CACNA2D4: variants seen among roughly 807,000 people sequenced by gnomAD.
The protein encoded by CACNA2D4 is voltage-dependent calcium channel subunit alpha-2/delta-4.
CACNA2D4 carries 157 observed loss-of-function variants against 163.8 expected under a neutral mutation model. The ratio of observed to expected loss-of-function variants is 0.96; its 90% CI spans 0.84 to 1.09. The LOEUF is 1.09. Among genes scored for constraint, CACNA2D4 ranks in the 50% least tolerant of loss-of-function variants. The probability of loss-of-function intolerance (pLI) is 0.00; values close to 1 mark genes in which losing one functional copy is unlikely to be tolerated. For synonymous variants in CACNA2D4, 598 were observed against 586.9 expected, an observed-to-expected ratio of 1.02 and a Z score of -0.27; for missense variants, 1,410 against 1,479.9, an observed-to-expected ratio of 0.95 and a Z score of 0.78.
In CACNA2D4 at chr12:1,869,887, A is replaced by G. The variant is rs1050017369; in HGVS notation, c.1878+4717T>C. Among the ~76,000 whole-genome samples, 7 of 152,262 alleles carry G rather than the reference A, an allele frequency of 4.6e-5. No homozygotes were observed. Among genetic ancestry groups the G allele is most frequent in the Non-Finnish European group, 2.9e-5 (2 of 68,048 alleles). On this transcript the variant is annotated intron_variant, in intron 18 of 37. Transcript: ENST00000382722. The surrounding 1 kb of genome is among the most constrained non-coding windows in gnomAD (Gnocchi z 4.7). ...TCATTCTAATTCTAACAGCTGGGTC[A>G]TAACACTTTTTATTATATACTGGAT...
intron 26 of CACNA2D4, among the ~76,000 whole-genome samples, chr12:1,824,825 G>C (rs1592679760): frequency 6.6e-6 from 1 of 152,120 alleles, no homozygotes. Context: ...GGGAGTGCTG[G>C]CTGCAGCCCC....
At chr12:1,846,415 G>A (rs547150038) in intron 24 of CACNA2D4, among the ~76,000 whole-genome samples, 179 bp downstream of exon 24, 54 of 151,406 alleles carry the variant, frequency 3.6e-4, no homozygotes, top group African/African-American at 1.3e-3. Flanking sequence ...TCGGGGAAGG[G>A]CTGCCTTTCC....
intron 18 of CACNA2D4, among the ~76,000 whole-genome samples, chr12:1,867,267 AG>A (rs1333104972): frequency 6.6e-6 from 1 of 152,118 alleles, no homozygotes; most frequent in Non-Finnish European, 1.5e-5. Flanking sequence ...TTTGACAATT[AG>A]TTTTTCAAAT....
chr12:1,855,931 G>C, intron 22 of CACNA2D4, 81 bp downstream of exon 22: 1 of 1,050,486 alleles, frequency 9.5e-7, no homozygotes, highest in South Asian at 1.3e-5. Flanking sequence ...GCCTCCCCCT[G>C]CCTTCCCACC....
chr12:1,902,379 G>T (rs1319151558), intron 6 of CACNA2D4, among the ~76,000 whole-genome samples: 3 of 151,588 alleles, frequency 2.0e-5, no homozygotes, highest in African/African-American at 7.3e-5. Flanking sequence ...AATCAGACAG[G>T]AGAAAAAAAT....
intron 9 of CACNA2D4, among the ~76,000 whole-genome samples, chr12:1,885,464 C>T (rs988317200): frequency 4.6e-5 from 7 of 152,108 alleles, no homozygotes; most frequent in Middle Eastern, 3.2e-3. Context: ...GGCAGAGGCC[C>T]GGCTTCAAGA....
intron 6 of CACNA2D4, among the ~76,000 whole-genome samples, chr12:1,896,248 A>C (rs1220296188): frequency 6.6e-6 from 1 of 152,200 alleles, no homozygotes; most frequent in East Asian, 1.9e-4. Flanking sequence ...GACTCTATTA[A>C]GCTAAAAAGC....
intron 26 of CACNA2D4, among the ~76,000 whole-genome samples, chr12:1,837,248 G>T (rs940212562): frequency 6.6e-6 from 1 of 152,218 alleles, no homozygotes; most frequent in African/African-American, 2.4e-5. Context: ...GAGGGCAGTT[G>T]GAGGGGCCTC....
At position 1,844,955 on chromosome 12, in the gene CACNA2D4, A is replaced by G. The variant is rs1322213923; in HGVS notation, c.2343-426T>C. ...CAGGATTGCCTCTAGGTTTTTGCATACATTATGAGTTTCCTTTTTTTGAGC... is the reference window on the plus strand; with the variant it reads ...CAGGATTGCCTCTAGGTTTTTGCATGCATTATGAGTTTCCTTTTTTTGAGC... On this transcript the variant is annotated intron_variant, in intron 24 of 37. Coordinates refer to ENST00000382722, the MANE Select transcript of CACNA2D4 (RefSeq NM_172364.5). This position sits in a 1 kb window ranked among gnomAD's most constrained non-coding sequence, Gnocchi z 4.2. Among the ~76,000 whole-genome samples, 3 of 152,014 alleles carry G rather than the reference A, an allele frequency of 2.0e-5. No individual in the cohort carries two copies. Among genetic ancestry groups the G allele is most frequent in the African/African-American group, 7.3e-5 (3 of 41,374 alleles).
rs866734965 is a variant in CACNA2D4, at chr12:1,879,878, G to A, written c.1489C>T (p.Leu497Phe). The change falls in exon 14 of 38, where the codon CTC (leucine) becomes TTC (phenylalanine). Residue 497 changes from leucine (L) to phenylalanine (F), a missense_variant. Transcript: ENST00000382722. ...GTCAGGCTCTGAGCCTGCGAGCTGA[G>A]GAGCTGTAAGGGAGGGGAGAACAGG... ...WTEAYMDSKL[L>F]SSQAQSLTLL... 1 of 1,593,780 alleles carries A rather than the reference G, an allele frequency of 6.3e-7. No homozygotes were observed. The highest frequency in any genetic ancestry group is 8.5e-7 in the Non-Finnish European group (1 of 1,170,140).
chr12:1,805,155 T>C (rs3741973), intron 29 of CACNA2D4, among the ~76,000 whole-genome samples: 90,182 of 151,946 alleles, frequency 0.59, 27,625 homozygotes, highest in Non-Finnish European at 0.69. Flanking sequence ...GCCTGAACTC[T>C]GGGGCTGGGT....
intron 26 of CACNA2D4, among the ~76,000 whole-genome samples, chr12:1,831,788 C>T (rs192244391): frequency 6.6e-6 from 1 of 150,488 alleles, no homozygotes; most frequent in Admixed American, 6.6e-5. Flanking sequence ...CCTCCCCCAG[C>T]CAGCTCCCCA....
intron 6 of CACNA2D4, among the ~76,000 whole-genome samples, chr12:1,904,298 A>G (rs1866605278): frequency 6.6e-6 from 1 of 152,032 alleles, no homozygotes; most frequent in Non-Finnish European, 1.5e-5. Flanking sequence ...AAGATCTAGT[A>G]TTTGATAGCA....
Position 1,843,281 on chromosome 12 carries a change from G to A in CACNA2D4, c.2470+1121C>T, listed in dbSNP as rs902546307. ...CTGTCCTGGTCCCAGGAGGATCCCC[G>A]GGATCCTGGGCCTCCCCAGCCATCA... On this transcript the variant is annotated intron_variant, in intron 25 of 37. Coordinates refer to ENST00000382722, the MANE Select transcript of CACNA2D4 (RefSeq NM_172364.5). This position sits in a 1 kb window ranked among gnomAD's most constrained non-coding sequence, Gnocchi z 4.6. 5.3e-5 allele frequency among the ~76,000 whole-genome samples: 8 copies of A among 152,142 alleles called. No homozygotes were observed. Among genetic ancestry groups the A allele is most frequent in the Admixed American group, 1.3e-4 (2 of 15,300 alleles).
chr12:1,918,405 G>C lies in CACNA2D4; in HGVS notation c.69C>G (p.Asn23Lys), dbSNP rs758939053. 1 of 1,598,566 alleles carries C rather than the reference G, an allele frequency of 6.3e-7. No homozygotes were observed. The highest frequency in any genetic ancestry group is 8.5e-7 in the Non-Finnish European group (1 of 1,172,990). ...TGCTGGAGCTGGGGTTTGCGAGGAAGTTGGGAGTTGCAGGCATGGTGGGCC... is the reference window on the plus strand; with the variant it reads ...TGCTGGAGCTGGGGTTTGCGAGGAACTTGGGAGTTGCAGGCATGGTGGGCC... ...NPRPTMPATPNFLANPSSSSR... is the reference protein window; with the variant it reads ...NPRPTMPATPKFLANPSSSSR... The change falls in exon 1 of 38, where the codon AAC becomes AAG. Residue 23 changes from asparagine to lysine, a missense_variant. Physicochemically the swap from Asn to Lys is moderately conservative, Grantham distance 94. Transcript: ENST00000382722.
rs767272322 is a variant in CACNA2D4, at chr12:1,884,779, G to A, written c.1261C>T (p.Pro421Ser). ...CGTGGGAGGGTCACCTTACAGTCTGGCCAGTTATACTTCTCAAACACCGGC... is the reference window on the plus strand; with the variant it reads ...CGTGGGAGGGTCACCTTACAGTCTGACCAGTTATACTTCTCAAACACCGGC... The part of the protein sequence containing the change: ...YEPVFEKYNW[P>S]DCKVRVFTYL... Residue 421 changes from proline (P) to serine (S), a missense_variant, in exon 11 of 38, where the codon CCA becomes TCA. Coordinates refer to ENST00000382722, the MANE Select transcript of CACNA2D4 (RefSeq NM_172364.5). 1.9e-6 allele frequency: 3 copies of A among 1,611,912 alleles called. No homozygotes were observed. The highest frequency in any genetic ancestry group is 8.5e-7 in the Non-Finnish European group (1 of 1,178,302).
chr12:1,894,243 T>C (rs1369552900), intron 6 of CACNA2D4, among the ~76,000 whole-genome samples: 5 of 152,000 alleles, frequency 3.3e-5, no homozygotes, highest in African/African-American at 7.2e-5. Flanking sequence ...GAACCAGTAA[T>C]AAAAAGCCTC....
chr12:1,918,155 G>C, intron 1 of CACNA2D4, 92 bp downstream of exon 1: 4 of 891,986 alleles, frequency 4.5e-6, no homozygotes, highest in Non-Finnish European at 5.3e-6. Context: ...GGGCAGGGGC[G>C]GGAGGAGTGG....
chr12:1,886,012 GCTC>G lies in CACNA2D4; in HGVS notation c.1018_1020del (p.Glu340del). ...TGGACGAGGATCCCTTTAAAACAAGGCTCGATGTAATGGACGTAGTCATTGTAC... is the reference window on the plus strand; with the variant it reads ...TGGACGAGGATCCCTTTAAAACAAGGGATGTAATGGACGTAGTCATTGTAC... On this transcript the variant is annotated inframe_deletion, in exon 9 of 38. Coordinates refer to ENST00000382722, the MANE Select transcript of CACNA2D4 (RefSeq NM_172364.5). 6.2e-7 allele frequency: 1 copy of G among 1,613,732 alleles called. No homozygotes were observed. The highest frequency in any genetic ancestry group is 1.7e-5 in the Admixed American group (1 of 60,016).
Sources: allele counts gnomAD v4.1 joint callset (sites outside exome capture counted in the v4.1 genomes callset), GRCh38; gene constraint gnomAD v4.1.1; non-coding constraint Gnocchi (gnomAD v3.1); transcripts MANE v1.5; gene names NCBI Gene and HGNC (gene_info 2026-07-23, HGNC 2026-07-21).